The following CDH12 variants were observed in gnomAD, a reference collection of about 807,000 sequenced individuals.
CDH12 encodes the protein cadherin-12.
Under a neutral mutation model 74.1 loss-of-function variants are expected in CDH12, and 41 were observed. The observed-to-expected ratio is 0.55, with a 90% CI of 0.43 to 0.72. The LOEUF is 0.72. Ranked by LOEUF, CDH12 falls within the 30% of genes least tolerant of loss-of-function variation. The pLI is 0.00. For synonymous variants in CDH12, 399 were observed against 355.0 expected, an observed-to-expected ratio of 1.12 and a Z score of -1.39; for missense variants, 945 against 977.2, an observed-to-expected ratio of 0.97 and a Z score of 0.44.
chr5:22,466,654 C>T (rs975404137), intron 2 of CDH12, among the ~76,000 whole-genome samples: 1 of 151,998 alleles, frequency 6.6e-6, no homozygotes, highest in African/African-American at 2.4e-5. Context: ...ACCCCAAATC[C>T]CTCAACTATG....
At chr5:22,760,186 T>G (rs2127053546) in intron 1 of CDH12, among the ~76,000 whole-genome samples, 1 of 152,310 alleles carries the variant, frequency 6.6e-6, no homozygotes, top group East Asian at 1.9e-4. Flanking sequence ...TGGTGGCCTT[T>G]CTGAGAAGTT....
intron 1 of CDH12, among the ~76,000 whole-genome samples, chr5:22,764,376 ATTG>A (rs980380140): frequency 7.4e-4 from 113 of 151,958 alleles, no homozygotes; most frequent in Non-Finnish European, 8.8e-5. Flanking sequence ...GTTAAATTCA[ATTG>A]TTGTCTTTTC....
chr5:22,292,248 T>C (rs1737419218), intron 3 of CDH12, among the ~76,000 whole-genome samples: 1 of 151,398 alleles, frequency 6.6e-6, no homozygotes, highest in Non-Finnish European at 1.5e-5. Flanking sequence ...ATGAAACCAC[T>C]AGAAGAAAAT....
chr5:22,045,785 T>C (rs966885080), intron 5 of CDH12, among the ~76,000 whole-genome samples: 1 of 152,098 alleles, frequency 6.6e-6, no homozygotes, highest in Admixed American at 6.6e-5. Context: ...TACCATCGGC[T>C]GAGGAGGATA....
intron 1 of CDH12, among the ~76,000 whole-genome samples, chr5:22,789,440 T>TA (rs1433781776): frequency 6.6e-6 from 1 of 152,066 alleles, no homozygotes; most frequent in Non-Finnish European, 1.5e-5. Flanking sequence ...GTTCAGCGTT[T>TA]AAAAATGTAG....
intron 1 of CDH12, among the ~76,000 whole-genome samples, chr5:22,579,640 T>C (rs1320263001): frequency 6.6e-6 from 1 of 152,176 alleles, no homozygotes; most frequent in Non-Finnish European, 1.5e-5. Flanking sequence ...TTTATTTCAT[T>C]GTTTTCAAAT....
At chr5:21,877,488 A>G (rs574132550) in intron 6 of CDH12, among the ~76,000 whole-genome samples, 30 of 152,352 alleles carry the variant, frequency 2.0e-4, no homozygotes, top group African/African-American at 7.2e-4. Flanking sequence ...ATACATGTCT[A>G]TTGTGTAAGT....
intron 6 of CDH12, among the ~76,000 whole-genome samples, chr5:21,923,752 T>C (rs945696489): frequency 6.6e-6 from 1 of 152,240 alleles, no homozygotes; most frequent in African/African-American, 2.4e-5. Context: ...GTAACTCATA[T>C]GGATCTTGGT....
chr5:21,859,332 T>A (rs1214319190), intron 6 of CDH12, among the ~76,000 whole-genome samples: 2 of 151,672 alleles, frequency 1.3e-5, no homozygotes, highest in Non-Finnish European at 2.9e-5. Context: ...GAAGAAGAAG[T>A]GTCAAGCAAA....
chr5:22,491,735 G>A (rs1016625517), intron 2 of CDH12, among the ~76,000 whole-genome samples: 2 of 152,112 alleles, frequency 1.3e-5, no homozygotes, highest in African/African-American at 4.8e-5. Context: ...TGTGGGCTGT[G>A]GGTTGGACAA....
intron 5 of CDH12, among the ~76,000 whole-genome samples, chr5:22,023,564 G>A (rs572492569): frequency 6.7e-5 from 10 of 150,102 alleles, no homozygotes; most frequent in South Asian, 2.1e-4. Context: ...ATATACACAC[G>A]AATATTCTCT....
intron 6 of CDH12, among the ~76,000 whole-genome samples, chr5:21,943,531 T>C (rs531026940): frequency 5.3e-5 from 8 of 152,276 alleles, no homozygotes; most frequent in African/African-American, 9.6e-5. Flanking sequence ...TGAAAAGCCA[T>C]GCCAACACAC....
chr5:22,025,794 A>T lies in CDH12; in HGVS notation c.232-50409T>A, dbSNP rs553973064. On this transcript the variant is annotated intron_variant, in intron 5 of 14. Coordinates refer to ENST00000382254, the MANE Select transcript of CDH12 (RefSeq NM_004061.5). ...TAAATTCTTTATTGTCATTTCAACA[A>T]TGTTCACAGCTTCTTCACCAGCAAT... Among the ~76,000 whole-genome samples, 5 of 152,268 alleles carry T rather than the reference A, an allele frequency of 3.3e-5. No homozygotes were observed. The South Asian group carries it at 1.0e-3, about 32-fold the overall frequency.
intron 3 of CDH12, among the ~76,000 whole-genome samples, chr5:22,340,838 T>C (rs567267154): frequency 3.1e-4 from 47 of 152,336 alleles, no homozygotes; most frequent in Middle Eastern, 6.8e-3. Context: ...ATTTCATTTA[T>C]TCTTCAGAAT....
chr5:22,449,764 T>G (rs1744970768), intron 2 of CDH12, among the ~76,000 whole-genome samples: 1 of 152,178 alleles, frequency 6.6e-6, no homozygotes, highest in East Asian at 1.9e-4. Context: ...TGCTCTTTTT[T>G]ATATGCAGTA....
intron 3 of CDH12, among the ~76,000 whole-genome samples, chr5:22,380,705 G>A (rs980126035): frequency 2.0e-5 from 3 of 152,170 alleles, no homozygotes; most frequent in Non-Finnish European, 2.9e-5. Context: ...TGTTAAATTA[G>A]TCATCTCATA....
chr5:22,392,935 G>C (rs1318046504), intron 3 of CDH12, among the ~76,000 whole-genome samples: 1 of 152,032 alleles, frequency 6.6e-6, no homozygotes, highest in Non-Finnish European at 1.5e-5. Context: ...TTTCACTGTA[G>C]TCAGGCTACT....
chr5:22,008,233 AT>A (rs370005873), intron 5 of CDH12, among the ~76,000 whole-genome samples: 3,981 of 145,656 alleles, frequency 0.027, 54 homozygotes, highest in Non-Finnish European at 0.037. Context: ...GAACTATACA[AT>A]TTTTTTTTTT....
At chr5:22,315,898 A>T (rs1255570425) in intron 3 of CDH12, among the ~76,000 whole-genome samples, 3 of 149,796 alleles carry the variant, frequency 2.0e-5, no homozygotes, top group African/African-American at 4.9e-5. Flanking sequence ...TAGGAGTTTC[A>T]TTTTTTTTTT....
Sources: gnomAD v4.1 joint callset for allele counts (sites outside exome capture counted in the v4.1 genomes callset) on GRCh38, gnomAD v4.1.1 for gene constraint, MANE v1.5 for transcripts, NCBI Gene and HGNC (gene_info 2026-07-23, HGNC 2026-07-21) for gene names.